Variants in SLC2A9 observed in about 807,000 individuals in gnomAD.
The protein encoded by SLC2A9 is solute carrier family 2 member 9.
Under a neutral mutation model 50.6 loss-of-function variants are expected in SLC2A9, and 39 were observed. That is an observed-to-expected ratio of 0.77 (90% confidence interval 0.60 to 1.01). SLC2A9 has a LOEUF of 1.01. Among genes scored for constraint, SLC2A9 ranks in the 50% least tolerant of loss-of-function variants. The pLI, the probability that SLC2A9 is intolerant of heterozygous loss-of-function variation, is 0.00. For missense variants in SLC2A9, 686 were observed against 677.6 expected, an observed-to-expected ratio of 1.01 and a Z score of -0.14; for synonymous variants, 324 against 276.9, an observed-to-expected ratio of 1.17 and a Z score of -1.69.
chr4:9,996,919 T>C lies in SLC2A9; in HGVS notation c.272A>G (p.Glu91Gly), dbSNP rs1758784151. 6.2e-7 allele frequency: 1 copy of C among 1,613,996 alleles called. No individual in the cohort carries two copies. Among genetic ancestry groups the C allele is most frequent in the Non-Finnish European group, 8.5e-7 (1 of 1,179,986 alleles). ...ACGTCCATGCCTTCTTTCCCATGAC[T>C]CATTGTAAAAGGCCTTGATGTACTG... The part of the protein sequence containing the change: ...PTPYIKAFYN[E>G]SWERRHGRPI... The change falls in exon 3 of 12, where the codon GAG becomes GGG. Residue 91 changes from glutamate (E) to glycine (G), a missense_variant. Glu to Gly is a moderately conservative substitution (Grantham distance 98). Transcript: ENST00000264784.
At chr4:9,941,254 G>A (rs978635305) in intron 6 of SLC2A9, among the ~76,000 whole-genome samples, 2 of 152,116 alleles carry the variant, frequency 1.3e-5, no homozygotes, top group South Asian at 4.2e-4. Context: ...CTCTGATTCC[G>A]AAAGCCAAGA....
intron 3 of SLC2A9, among the ~76,000 whole-genome samples, chr4:9,803,362 T>A (rs941614563): frequency 6.6e-6 from 1 of 152,264 alleles, no homozygotes; most frequent in Non-Finnish European, 1.5e-5. Flanking sequence ...GCAGTATGCA[T>A]TGTCATTTAT....
Position 9,887,624 on chromosome 4 carries a change from G to T in SLC2A9, c.1234C>A (p.Pro412Thr). 6.4e-7 allele frequency: 1 copy of T among 1,556,290 alleles called. No homozygotes were observed. ...AGAATGCCCACGATACTCAGGTAGG[G>T]GACCCAGGGGGCGTGGTCCTGGGAG... ...LTLQDHAPWV[P>T]YLSIVGILAI... The change falls in exon 10 of 12, where the codon CCC becomes ACC. Residue 412 changes from proline to threonine, a missense_variant. Transcript: ENST00000264784.
At chr4:9,776,101 C>A (rs1717528849), downstream of SLC2A9, among the ~76,000 whole-genome samples, 1 of 152,058 alleles carries the variant, frequency 6.6e-6, no homozygotes, top group African/African-American at 2.4e-5. Flanking sequence ...GCCATCTCTG[C>A]CACAAACAGC....
At chr4:9,957,191 T>C (rs754641894) in intron 5 of SLC2A9, among the ~76,000 whole-genome samples, 11 of 151,952 alleles carry the variant, frequency 7.2e-5, no homozygotes, top group Non-Finnish European at 1.2e-4. Flanking sequence ...ACATACCAGA[T>C]ACAGCAGCAA....
At chr4:9,837,436 G>T (rs1727281253) in intron 10 of SLC2A9, among the ~76,000 whole-genome samples, 1 of 152,204 alleles carries the variant, frequency 6.6e-6, no homozygotes, top group Non-Finnish European at 1.5e-5. Context: ...TCTGAAGCCT[G>T]AACAGGGTTA....
intron 6 of SLC2A9, among the ~76,000 whole-genome samples, chr4:9,924,325 C>T (rs1744505464): frequency 6.6e-6 from 1 of 152,198 alleles, no homozygotes; most frequent in African/African-American, 2.4e-5. Context: ...TGCGGCTTTC[C>T]CTGGGCACAG....
chr4:9,806,826 G>C (rs1722181155), intron 3 of SLC2A9, among the ~76,000 whole-genome samples: 1 of 152,210 alleles, frequency 6.6e-6, no homozygotes, highest in South Asian at 2.1e-4. Context: ...CTCAGTGCCT[G>C]TGACAGTCAC....
At chr4:9,816,470 G>T (rs1560146292) in intron 3 of SLC2A9, among the ~76,000 whole-genome samples, 1 of 152,112 alleles carries the variant, frequency 6.6e-6, no homozygotes, top group Non-Finnish European at 1.5e-5. Flanking sequence ...TGAACAGCAT[G>T]GTGACTACAG....
At chr4:9,983,640 T>G (rs999876303) in intron 4 of SLC2A9, among the ~76,000 whole-genome samples, 50 of 151,724 alleles carry the variant, frequency 3.3e-4, no homozygotes, top group African/African-American at 1.2e-3. Context: ...CCAGCAGAGA[T>G]TGGCAGAGCT....
rs776114395 is a variant in SLC2A9 at position 9,783,387 on chromosome 4, C to G, written n.386-3322G>C. On this transcript the variant is annotated intron_variant and non_coding_transcript_variant, in intron 3 of 3. Transcript: ENST00000503803. Reference sequence around the variant, plus strand: ...CCAGATGGTGACCCTGTTGCTGAGTCTGTCTGGGAGCTGGACTGCGAGGGG... The same window carrying G: ...CCAGATGGTGACCCTGTTGCTGAGTGTGTCTGGGAGCTGGACTGCGAGGGG... 6.0e-5 allele frequency: 97 copies of G among 1,614,114 alleles called. 2 individuals carry two copies. In the Middle Eastern group the frequency reaches 6.6e-4, roughly 11 times the overall value.
chr4:10,023,243 G>A (rs967881359), upstream of SLC2A9, among the ~76,000 whole-genome samples: 6 of 152,322 alleles, frequency 3.9e-5, no homozygotes, highest in Non-Finnish European at 7.4e-5. Flanking sequence ...GGGAGGAAGT[G>A]AAATTGTCAG....
At chr4:9,826,094 G>A (rs988983058), downstream of SLC2A9, 1 of 367,486 alleles carries the variant, frequency 2.7e-6, no homozygotes, top group Admixed American at 4.3e-5. Flanking sequence ...CATGGGTTGA[G>A]TCATGAAGAA....
chr4:9,772,757 C>A lies in SLC2A9; in HGVS notation n.182-1388G>T, dbSNP rs773486779. 1.2e-3 allele frequency among the ~76,000 whole-genome samples: 187 copies of A among 152,182 alleles called. 3 individuals carry two copies. The highest frequency in any genetic ancestry group is 8.5e-4 in the Admixed American group (13 of 15,296). ...ACAGGGACTTGCACTTTTGTAAGTA[C>A]AGCATCTCATTTACCCATGATATCT... On this transcript the variant is annotated intron_variant and non_coding_transcript_variant, in intron 1 of 1. Transcript: ENST00000508585.
At chr4:9,958,559 G>A (rs1020080926) in intron 5 of SLC2A9, among the ~76,000 whole-genome samples, 3 of 151,854 alleles carry the variant, frequency 2.0e-5, no homozygotes, top group Non-Finnish European at 2.9e-5. Context: ...GTTGATAGGT[G>A]CAACAAACCA....
At chr4:9,840,421 T>G (rs145194628) in intron 10 of SLC2A9, among the ~76,000 whole-genome samples, 4 of 152,348 alleles carry the variant, frequency 2.6e-5, no homozygotes, top group Non-Finnish European at 4.4e-5. Context: ...GCAGGCCTTC[T>G]TTTATTTTTA....
At chr4:9,939,079 A>G (rs1249529177) in intron 6 of SLC2A9, among the ~76,000 whole-genome samples, 1 of 152,126 alleles carries the variant, frequency 6.6e-6, no homozygotes, top group Non-Finnish European at 1.5e-5. Flanking sequence ...ACTTTGGCCA[A>G]TAGGATTTTA....
chr4:9,868,744 T>C (rs1408155054), intron 10 of SLC2A9, among the ~76,000 whole-genome samples: 1 of 152,190 alleles, frequency 6.6e-6, no homozygotes, highest in East Asian at 1.9e-4. Context: ...GCAGAACTTC[T>C]CCCCTCAGCA....
chr4:9,880,282 C>A, intron 10 of SLC2A9: 1 of 985,482 alleles, frequency 1.0e-6, no homozygotes, highest in East Asian at 1.1e-4. Context: ...TGGCTAAAGT[C>A]ATTGCTAGCC....
Sources: allele counts gnomAD v4.1 joint callset (sites outside exome capture counted in the v4.1 genomes callset), GRCh38; gene constraint gnomAD v4.1.1; transcripts MANE v1.5; gene names NCBI Gene and HGNC (gene_info 2026-07-23, HGNC 2026-07-21).